SPSB4: variants seen among roughly 807,000 people sequenced by gnomAD.
SPSB4 encodes SPRY domain-containing SOCS box protein 4.
SPSB4 carries 21 observed loss-of-function variants against 20.9 expected under a neutral mutation model. The ratio of observed to expected loss-of-function variants is 1.01; its 90% CI spans 0.71 to 1.45. The LOEUF (loss-of-function observed/expected upper bound fraction) is 1.45, where lower values mean the gene tolerates loss of function less well. SPSB4 is among the 40% of genes most tolerant of loss of function. SPSB4 has a pLI of 0.00. For synonymous variants in SPSB4, 207 were observed against 183.8 expected, an observed-to-expected ratio of 1.13 and a Z score of -1.02; for missense variants, 399 against 399.2, an observed-to-expected ratio of 1.00 and a Z score of 0.00.
chr3:141,080,110 G>A (rs990551421), intron 2 of SPSB4, among the ~76,000 whole-genome samples: 10 of 152,116 alleles, frequency 6.6e-5, no homozygotes, highest in Admixed American at 5.2e-4. Context: ...CTAAAAAATG[G>A]CATGTTGTTG....
chr3:141,132,214 C>T (rs902638658), intron 2 of SPSB4: 1 of 433,112 alleles, frequency 2.3e-6, no homozygotes. Context: ...GTTGCCCTGG[C>T]CAAAGTGCAG....
chr3:141,111,744 G>T (rs1938800839), intron 2 of SPSB4, among the ~76,000 whole-genome samples: 1 of 152,058 alleles, frequency 6.6e-6, no homozygotes, highest in African/African-American at 2.4e-5. Flanking sequence ...GGAGTGTTTG[G>T]GTCCTCGGAA....
rs140253963 is a variant in SPSB4 at position 141,098,238 on chromosome 3, G to C, written c.694+31440G>C. 9.8e-3 allele frequency among the ~76,000 whole-genome samples: 1,488 copies of C among 152,118 alleles called. 29 individuals are homozygous for C. The highest frequency in any genetic ancestry group is 0.034 in the African/African-American group (1,427 of 41,512). ...GACCACTCCCACCTTACTCCTCTTT[G>C]TTTTAGATGTTTCTGTTTCGTCTTT... On this transcript the variant is annotated intron_variant, in intron 2 of 2. Coordinates refer to ENST00000310546, the MANE Select transcript of SPSB4 (RefSeq NM_080862.3).
chr3:141,060,537 G>A (rs957644595), intron 1 of SPSB4, among the ~76,000 whole-genome samples: 1 of 152,166 alleles, frequency 6.6e-6, no homozygotes, highest in African/African-American at 2.4e-5. Flanking sequence ...CTCTGAGCCC[G>A]GGCTGCTATT....
chr3:141,101,260 C>T (rs1447320308), intron 2 of SPSB4, among the ~76,000 whole-genome samples: 2 of 152,194 alleles, frequency 1.3e-5, no homozygotes, highest in African/African-American at 2.4e-5. Context: ...AGTGACCTGG[C>T]CAGAGTGATC....
At chr3:141,095,003 C>A (rs1182692351) in intron 2 of SPSB4, among the ~76,000 whole-genome samples, 1 of 152,070 alleles carries the variant, frequency 6.6e-6, no homozygotes, top group Non-Finnish European at 1.5e-5. Flanking sequence ...ACCTCAGAGA[C>A]CACTAGGGAT....
rs1040087702 is a variant in SPSB4 at position 141,120,347 on chromosome 3, A to G, written c.695-26795A>G. Among the ~76,000 whole-genome samples the G allele has an allele frequency of 2.0e-5, 3 of 152,160 alleles. No homozygotes were observed. In the South Asian group the frequency reaches 6.2e-4, roughly 32 times the overall value. On this transcript the variant is annotated intron_variant, in intron 2 of 2. Transcript: ENST00000310546. ...TGTTTTACTTCCAAGTATGTGGTCA[A>G]TTTTAGAATAAGTGTGATGTGGTGC...
chr3:141,066,471 C>A lies in SPSB4; in HGVS notation c.367C>A (p.Pro123Thr), dbSNP rs768015495. ...AGTTGGTGTGGCCACGGCCCGTGCT[C>A]CCCTGCACTCCGTGGGCTACACGGC... ...AVVGVATARA[P>T]LHSVGYTALV... The change falls in exon 2 of 3, where the codon CCC becomes ACC. Residue 123 changes from proline to threonine, a missense_variant. Physicochemically the swap from Pro to Thr is conservative, Grantham distance 38. Transcript: ENST00000310546. 8.2e-5 allele frequency: 123 copies of A among 1,499,128 alleles called. No individual in the cohort carries two copies. The highest frequency in any genetic ancestry group is 1.0e-4 in the Non-Finnish European group (117 of 1,124,186). 92.9% of individuals were successfully genotyped at this position (1,499,128 alleles called of 1,614,324 possible). A position where few individuals can be genotyped will look rare whatever the true frequency, so the allele number is the denominator to read the frequency against.
At chr3:141,076,509 C>CAAAA (rs1453208334) in intron 2 of SPSB4, among the ~76,000 whole-genome samples, 1 of 152,258 alleles carries the variant, frequency 6.6e-6, no homozygotes, top group Non-Finnish European at 1.5e-5. Flanking sequence ...AGGCCAGACA[C>CAAAA]TGCCCAGCTC....
At chr3:141,102,317 A>G (rs1938623972) in intron 2 of SPSB4, among the ~76,000 whole-genome samples, 1 of 152,182 alleles carries the variant, frequency 6.6e-6, no homozygotes, top group South Asian at 2.1e-4. Context: ...ATCCTACCCC[A>G]TGGAACGTAC....
At position 141,102,396 on chromosome 3, in the gene SPSB4, T is replaced by C. The variant is rs546729617; in HGVS notation, c.694+35598T>C. Among the ~76,000 whole-genome samples the C allele has an allele frequency of 2.0e-5, 3 of 152,186 alleles. No homozygotes were observed. The East Asian group carries it at 5.8e-4, about 29-fold the overall frequency. ...GTGGTTACTAGTGTGCAGGGTGGCATGTCGGGAAGGTAGATGGTCCTGGGA... is the reference window on the plus strand; with the variant it reads ...GTGGTTACTAGTGTGCAGGGTGGCACGTCGGGAAGGTAGATGGTCCTGGGA... On this transcript the variant is annotated intron_variant, in intron 2 of 2. Transcript: ENST00000310546.
At position 141,148,471 on chromosome 3, in the gene SPSB4, A is replaced by T. The variant is rs1392062581; in HGVS notation, c.*1202A>T. 1 of 152,670 alleles carries T rather than the reference A, an allele frequency of 6.6e-6. No homozygotes were observed. Among genetic ancestry groups the T allele is most frequent in the African/African-American group, 2.4e-5 (1 of 41,418 alleles). 9.5% of individuals were successfully genotyped at this position (152,670 alleles called of 1,614,324 possible). ...CACTCTCTGCCCAGACTCATTTTTA[A>T]CTGGAAATCATCACAGCAGTGGGAT... is the stretch of plus-strand genomic sequence containing the variant. On this transcript the variant is annotated 3_prime_UTR_variant, in exon 3 of 3. Coordinates refer to ENST00000310546, the MANE Select transcript of SPSB4 (RefSeq NM_080862.3). The surrounding 1 kb of genome is among the most constrained non-coding windows in gnomAD (Gnocchi z 4.5).
chr3:141,134,579 T>G (rs1244538540), intron 2 of SPSB4, among the ~76,000 whole-genome samples: 2 of 152,158 alleles, frequency 1.3e-5, no homozygotes, highest in Non-Finnish European at 2.9e-5. Context: ...CATGCTTATA[T>G]GATTTTTGTT....
At chr3:141,128,008 G>A (rs978959440) in intron 2 of SPSB4, among the ~76,000 whole-genome samples, 5 of 152,222 alleles carry the variant, frequency 3.3e-5, no homozygotes, top group African/African-American at 1.2e-4. Context: ...CCTGGGAATA[G>A]TGAATTGTTC....
chr3:141,142,803 C>CTTTTTTTTTTTT (rs57674247), intron 2 of SPSB4, among the ~76,000 whole-genome samples: 6 of 62,034 alleles, frequency 9.7e-5, no homozygotes, highest in Non-Finnish European at 1.3e-4. Context: ...CCCTCTTTGT[C>CTTTTTTTTTTTT]TTTTTTTTTT....
At chr3:141,082,627 C>A (rs866233444) in intron 2 of SPSB4, among the ~76,000 whole-genome samples, 2 of 141,106 alleles carry the variant, frequency 1.4e-5, no homozygotes, top group Non-Finnish European at 3.0e-5. Flanking sequence ...TGCTATCTAT[C>A]TATCTATCTA....
intron 2 of SPSB4, among the ~76,000 whole-genome samples, chr3:141,126,573 T>A (rs2107803098): frequency 6.6e-6 from 1 of 152,344 alleles, no homozygotes; most frequent in African/African-American, 2.4e-5. Context: ...CTGCCCATTG[T>A]ATCAACCCCA....
At chr3:141,137,877 T>C (rs1264496585) in intron 2 of SPSB4, among the ~76,000 whole-genome samples, 3 of 152,214 alleles carry the variant, frequency 2.0e-5, no homozygotes, top group African/African-American at 7.2e-5. Flanking sequence ...TTCCCTCTTT[T>C]TCTATTGATT....
intron 2 of SPSB4, among the ~76,000 whole-genome samples, chr3:141,070,713 T>C (rs999629229): frequency 6.6e-6 from 1 of 152,228 alleles, no homozygotes; most frequent in Non-Finnish European, 1.5e-5. Flanking sequence ...ATTTTTGTAA[T>C]GACTCTTTGC....
Sources: gnomAD v4.1 joint callset for allele counts (sites outside exome capture counted in the v4.1 genomes callset) on GRCh38, gnomAD v4.1.1 for gene constraint, Gnocchi (gnomAD v3.1) non-coding constraint, MANE v1.5 for transcripts, NCBI Gene and HGNC (gene_info 2026-07-23, HGNC 2026-07-21) for gene names.